The following SORCS1 variants were observed in gnomAD, a reference collection of about 807,000 sequenced individuals.
The protein encoded by SORCS1 is sortilin related VPS10 domain containing receptor 1, also known as VPS10 domain-containing receptor SorCS1.
In SORCS1, 60 loss-of-function variants were observed where a neutral mutation model predicts 146.1. The observed-to-expected ratio is 0.41, with a 90% confidence interval of 0.33 to 0.51. The LOEUF is 0.51. SORCS1 is among the 20% of genes least tolerant of loss of function. The probability of loss-of-function intolerance (pLI) is 0.21; values close to 1 mark genes in which losing one functional copy is unlikely to be tolerated. For synonymous variants in SORCS1, 637 were observed against 584.0 expected (o/e 1.09, Z -1.31); for missense variants, 1,352 against 1,487.6 (o/e 0.91, Z 1.50).
At chr10:106,886,770 C>T (rs1398378966) in intron 2 of SORCS1, among the ~76,000 whole-genome samples, 2 of 152,178 alleles carry the variant, frequency 1.3e-5, no homozygotes, top group African/African-American at 2.4e-5. Context: ...AAAGCTCAGA[C>T]AGATTTAAGT....
intron 1 of SORCS1, among the ~76,000 whole-genome samples, chr10:107,157,420 T>G (rs1166826994): frequency 2.6e-5 from 4 of 152,226 alleles, no homozygotes; most frequent in African/African-American, 4.8e-5. Flanking sequence ...TTTTTTTATC[T>G]GAGAGTGTAG....
chr10:106,784,571 C>A (rs779404899), intron 3 of SORCS1, among the ~76,000 whole-genome samples: 14 of 152,136 alleles, frequency 9.2e-5, no homozygotes, highest in Admixed American at 5.9e-4. Flanking sequence ...TCAGAACACA[C>A]TTCCATCAAC....
chr10:106,753,633 C>A (rs1489007209), intron 5 of SORCS1, among the ~76,000 whole-genome samples: 1 of 150,940 alleles, frequency 6.6e-6, no homozygotes, highest in Non-Finnish European at 1.5e-5. Context: ...AGCCTTGATA[C>A]TCAAGGTTAG....
intron 1 of SORCS1, among the ~76,000 whole-genome samples, chr10:106,962,394 C>CAAAAAAAAAAAAAAAA (rs60616146): frequency 8.0e-5 from 5 of 62,572 alleles, no homozygotes; most frequent in Non-Finnish European, 1.4e-4. Context: ...AACTCCATCT[C>CAAAAAAAAAAAAAAAA]AAAAAAAAAA....
chr10:106,628,805 C>T (rs1314590451), intron 19 of SORCS1, among the ~76,000 whole-genome samples: 1 of 152,178 alleles, frequency 6.6e-6, no homozygotes. Context: ...TTTACTTGGG[C>T]TAATTCTCAA....
intron 19 of SORCS1, among the ~76,000 whole-genome samples, chr10:106,622,721 A>AT (rs1847834435): frequency 2.0e-5 from 3 of 152,144 alleles, no homozygotes; most frequent in South Asian, 4.1e-4. Context: ...TGTTTTTCTT[A>AT]TTTTATCCTC....
At chr10:106,696,724 T>C (rs1005533300) in intron 9 of SORCS1, among the ~76,000 whole-genome samples, 6 of 152,244 alleles carry the variant, frequency 3.9e-5, no homozygotes, top group African/African-American at 1.4e-4. Flanking sequence ...CTGTTACCGA[T>C]GTTTGAATTC....
chr10:106,937,610 C>T (rs1953806884), intron 2 of SORCS1, among the ~76,000 whole-genome samples: 1 of 152,120 alleles, frequency 6.6e-6, no homozygotes, highest in African/African-American at 2.4e-5. Flanking sequence ...GACTGTGAGT[C>T]CACTAAACCT....
At chr10:107,092,684 T>C (rs1383566227) in intron 1 of SORCS1, among the ~76,000 whole-genome samples, 2 of 152,126 alleles carry the variant, frequency 1.3e-5, no homozygotes, top group Non-Finnish European at 2.9e-5. Context: ...ATCACAACTT[T>C]ATTTTTACAC....
In SORCS1 at chr10:106,960,006, A is replaced by G. The variant is rs973995543; in HGVS notation, c.559-3426T>C. Among the ~76,000 whole-genome samples, 1 of 152,118 alleles carries G rather than the reference A, an allele frequency of 6.6e-6. No individual in the cohort carries two copies. The highest frequency in any genetic ancestry group is 2.4e-5 in the African/African-American group (1 of 41,428). The stretch of plus-strand genomic sequence containing the variant: ...TCTCAAAATGCATATGAACATATAT[A>G]CCCCCACACAAAGTGGCATATCCAT... On this transcript the variant is annotated intron_variant, in intron 1 of 25. Coordinates refer to ENST00000263054, the MANE Select transcript of SORCS1 (RefSeq NM_052918.5). The surrounding 1 kb of genome is among the most constrained non-coding windows in gnomAD (Gnocchi z 4.4).
intron 17 of SORCS1, among the ~76,000 whole-genome samples, chr10:106,659,570 G>C (rs913013433): frequency 6.6e-6 from 1 of 152,168 alleles, no homozygotes; most frequent in Non-Finnish European, 1.5e-5. Flanking sequence ...GTTAAAGCTT[G>C]AAGGGGTCTC....
rs1182122470 is a variant in SORCS1, at chr10:107,143,120, G to A, written c.558+20849C>T. On this transcript the variant is annotated intron_variant, in intron 1 of 25. Coordinates refer to ENST00000263054, the MANE Select transcript of SORCS1 (RefSeq NM_052918.5). ...AGGTGTAAAAATCACAAGTACCATCGGTATCCATGGTCAGGCACTCACACA... is the reference window on the plus strand; with the variant it reads ...AGGTGTAAAAATCACAAGTACCATCAGTATCCATGGTCAGGCACTCACACA... Among the ~76,000 whole-genome samples, 7 of 152,054 alleles carry A rather than the reference G, an allele frequency of 4.6e-5. No homozygotes were observed. The East Asian group carries it at 5.8e-4, about 13-fold the overall frequency.
intron 1 of SORCS1, among the ~76,000 whole-genome samples, chr10:107,091,129 C>A (rs1469017616): frequency 6.6e-6 from 1 of 152,236 alleles, no homozygotes; most frequent in Non-Finnish European, 1.5e-5. Flanking sequence ...GTTCATGCAG[C>A]ATCCTTTACC....
intron 3 of SORCS1, among the ~76,000 whole-genome samples, chr10:106,798,375 G>C (rs939395532): frequency 6.6e-6 from 1 of 152,050 alleles, no homozygotes; most frequent in African/African-American, 2.4e-5. Context: ...TGTCATGTTG[G>C]TGTGCTGCAC....
chr10:106,852,025 AT>A (rs758049932), intron 2 of SORCS1, among the ~76,000 whole-genome samples: 1 of 152,090 alleles, frequency 6.6e-6, no homozygotes, highest in Non-Finnish European at 1.5e-5. Flanking sequence ...TTACTTTTGT[AT>A]ATTAACCTTA....
At chr10:106,686,167 G>A (rs758505426) in intron 10 of SORCS1, among the ~76,000 whole-genome samples, 2 of 152,176 alleles carry the variant, frequency 1.3e-5, no homozygotes, top group Non-Finnish European at 2.9e-5. Flanking sequence ...GTAAAAGTGG[G>A]AGGACCAGTT....
intron 1 of SORCS1, among the ~76,000 whole-genome samples, chr10:107,064,864 G>A: frequency 6.6e-6 from 1 of 152,154 alleles, no homozygotes; most frequent in East Asian, 1.9e-4. Context: ...ACCACGAAGG[G>A]TAGTCACTGT....
intron 19 of SORCS1, among the ~76,000 whole-genome samples, chr10:106,621,638 G>A (rs1589496200): frequency 6.6e-6 from 1 of 151,788 alleles, no homozygotes; most frequent in Non-Finnish European, 1.5e-5. Flanking sequence ...GCAATCAAAT[G>A]TTCTCAAGGA....
chr10:107,018,859 TAAGA>T (rs1443945539), intron 1 of SORCS1, among the ~76,000 whole-genome samples: 1 of 152,194 alleles, frequency 6.6e-6, no homozygotes, highest in East Asian at 1.9e-4. Context: ...TACACTTTAA[TAAGA>T]AAGAACGTTT....
Sources: gnomAD v4.1 joint callset for allele counts (sites outside exome capture counted in the v4.1 genomes callset) on GRCh38, gnomAD v4.1.1 for gene constraint, Gnocchi (gnomAD v3.1) non-coding constraint, MANE v1.5 for transcripts, NCBI Gene and HGNC (gene_info 2026-07-23, HGNC 2026-07-21) for gene names.